CNBD2: variants seen among roughly 807,000 people sequenced by gnomAD.
CNBD2 encodes the protein cyclic nucleotide binding domain containing 2, also known as cyclic nucleotide-binding domain-containing protein 2.
A neutral mutation model predicts 63.7 loss-of-function variants in CNBD2; 64 were observed. That is an observed-to-expected ratio of 1.00 (90% CI 0.82 to 1.24). The LOEUF (loss-of-function observed/expected upper bound fraction) is 1.24, where lower values mean the gene tolerates loss of function less well. Among genes scored for constraint, CNBD2 ranks in the 50% most tolerant of loss-of-function variants. CNBD2 has a pLI of 0.00. For missense variants in CNBD2, 691 were observed against 713.5 expected (o/e 0.97, Z 0.36); for synonymous variants, 229 against 255.4 (o/e 0.90, Z 0.99).
intron 10 of CNBD2, among the ~76,000 whole-genome samples, chr20:36,012,072 G>A (rs981139886): frequency 7.2e-5 from 11 of 152,010 alleles, no homozygotes; most frequent in African/African-American, 2.7e-4. Flanking sequence ...CCTGAGGCAG[G>A]TTGGATCACT....
intron 9 of CNBD2, among the ~76,000 whole-genome samples, chr20:36,009,127 G>T (rs570984532): frequency 6.6e-6 from 1 of 152,098 alleles, no homozygotes; most frequent in South Asian, 2.1e-4. Flanking sequence ...AGCCTAGGAA[G>T]TTGAGGCTGC....
chr20:35,957,706 T>G (rs2056270727), downstream of CNBD2: 1 of 152,238 alleles, frequency 6.6e-6, no homozygotes, highest in African/African-American at 2.4e-5. Flanking sequence ...TATTTCATTC[T>G]TTTGAATTTT....
chr20:36,006,055 G>A (rs1187280977), intron 8 of CNBD2, among the ~76,000 whole-genome samples: 1 of 149,424 alleles, frequency 6.7e-6, no homozygotes, highest in Non-Finnish European at 1.5e-5. Flanking sequence ...TTGAGATAGA[G>A]TCTTGCCCTG....
chr20:36,011,194 C>T lies in CNBD2; in HGVS notation c.1206C>T (p.Leu402=), dbSNP rs767581528. 1.3e-6 allele frequency: 2 copies of T among 1,599,054 alleles called. No individual in the cohort carries two copies. Among genetic ancestry groups the T allele is most frequent in the Middle Eastern group, 1.7e-4 (1 of 5,978 alleles). The change falls in exon 10 of 12, where the codon CTC becomes CTT. Residue 402 remains leucine (L), a synonymous_variant. Coordinates refer to ENST00000373973, the MANE Select transcript of CNBD2 (RefSeq NM_001365709.1). ...CAMINIKPGE[L]PKEAAVGAYV... Reference sequence around the variant, plus strand: ...TGATCAATATCAAGCCTGGTGAGCTCCCCAAGGAGGCTGCAGTGGGGGCCT... The same window carrying T: ...TGATCAATATCAAGCCTGGTGAGCTTCCCAAGGAGGCTGCAGTGGGGGCCT...
chr20:35,987,348 CA>C (rs756284587), intron 6 of CNBD2, 46 bp from the exon 7 acceptor site: 1 of 1,609,720 alleles, frequency 6.2e-7, no homozygotes, highest in African/African-American at 1.3e-5. Flanking sequence ...AAGGTCTGGG[CA>C]CCTTGTGTGA....
chr20:35,979,569 A>G (rs1228209284), intron 3 of CNBD2, among the ~76,000 whole-genome samples: 2 of 152,210 alleles, frequency 1.3e-5, no homozygotes, highest in Non-Finnish European at 2.9e-5. Flanking sequence ...CCACTTCTTA[A>G]TAGTGTCAGA....
At chr20:35,995,373 C>T (rs575858655) in intron 8 of CNBD2, among the ~76,000 whole-genome samples, 1 of 152,062 alleles carries the variant, frequency 6.6e-6, no homozygotes, top group African/African-American at 2.4e-5. Context: ...GGTTCTCCCA[C>T]GTGACCATCA....
chr20:35,958,848 A>G (rs2056282999), downstream of CNBD2: 1 of 152,228 alleles, frequency 6.6e-6, no homozygotes, highest in Admixed American at 6.5e-5. Context: ...TGTTATTTAA[A>G]AAATGTTACA....
At chr20:36,001,402 G>A (rs2056899496) in intron 8 of CNBD2, among the ~76,000 whole-genome samples, 1 of 150,880 alleles carries the variant, frequency 6.6e-6, no homozygotes, top group Admixed American at 6.6e-5. Flanking sequence ...CAGGGCGGCT[G>A]GCCGGGCAGA....
intron 8 of CNBD2, among the ~76,000 whole-genome samples, chr20:36,000,104 C>T (rs2147288628): frequency 6.6e-6 from 1 of 152,320 alleles, no homozygotes; most frequent in Non-Finnish European, 1.5e-5. Flanking sequence ...CTAATAACCA[C>T]TTCCTTCTGC....
intron 4 of CNBD2, among the ~76,000 whole-genome samples, chr20:35,980,982 C>T (rs1040178956): frequency 2.0e-5 from 3 of 152,246 alleles, no homozygotes; most frequent in East Asian, 1.9e-4. Context: ...TTTTCAGTTA[C>T]GCCCATCAGA....
chr20:35,977,138 C>T (rs1277074004), intron 3 of CNBD2, among the ~76,000 whole-genome samples: 1 of 152,182 alleles, frequency 6.6e-6, no homozygotes, highest in Non-Finnish European at 1.5e-5. Context: ...ATCTGAGAGC[C>T]ACAGAACTCT....
rs766039744 is a variant in CNBD2 at position 36,030,360 on chromosome 20, T to C, written c.1443T>C (p.Asp481=). The C allele has an allele frequency of 4.2e-5, 67 of 1,613,958 alleles. No individual in the cohort carries two copies. Among genetic ancestry groups the C allele is most frequent in the Non-Finnish European group, 5.6e-5 (66 of 1,179,978 alleles). ...LLKLNIAFPS[D]EDMCQKFLQQ... is the part of the protein sequence containing the mutation. ...GGCTTCTGTGCCTGCCCTTTAGTGA[T>C]GAAGATATGTGCCAGAAGTTCCTCC... Residue 481 remains aspartate (D), a synonymous_variant, in exon 12 of 12, where the codon GAT becomes GAC. Transcript: ENST00000373973.
At chr20:36,004,869 G>A (rs2056964019) in intron 8 of CNBD2, among the ~76,000 whole-genome samples, 1 of 152,034 alleles carries the variant, frequency 6.6e-6, no homozygotes, top group South Asian at 2.1e-4. Context: ...ATCCTTCAAT[G>A]TCTTTAAAAC....
chr20:35,976,227 T>G (rs955809676), intron 3 of CNBD2, among the ~76,000 whole-genome samples: 1 of 152,208 alleles, frequency 6.6e-6, no homozygotes, highest in African/African-American at 2.4e-5. Context: ...AGGAACCAGC[T>G]GTCACTGCAC....
chr20:36,003,899 G>T (rs983900015), intron 8 of CNBD2, among the ~76,000 whole-genome samples: 1 of 151,878 alleles, frequency 6.6e-6, no homozygotes, highest in African/African-American at 2.4e-5. Context: ...ATCTCTTGAG[G>T]TTGCCATTGT....
At chr20:36,001,805 C>T (rs1347471302) in intron 8 of CNBD2, among the ~76,000 whole-genome samples, 242 of 134,562 alleles carry the variant, frequency 1.8e-3, no homozygotes, top group East Asian at 3.0e-3. Context: ...GATGGGCGGC[C>T]GGGCAGAGAC....
At position 35,971,340 on chromosome 20, in the gene CNBD2, C is replaced by A. The variant is rs923490391; in HGVS notation, c.52-1289C>A. 2.6e-5 allele frequency among the ~76,000 whole-genome samples: 4 copies of A among 152,274 alleles called. No homozygotes were observed. The South Asian group carries it at 8.3e-4, about 32-fold the overall frequency. ...CTTTCTTAAAAATAATGACATTACC[C>A]ACATAACCAAATACCACTATCATAC... On this transcript the variant is annotated intron_variant, in intron 1 of 11. Transcript: ENST00000373973.
Position 36,030,456 on chromosome 20 carries a change from G to A in CNBD2, c.1539G>A (p.Leu513=), listed in dbSNP as rs1170859059. The A allele has an allele frequency of 6.2e-7, 1 of 1,614,114 alleles. No individual in the cohort carries two copies. The highest frequency in any genetic ancestry group is 8.5e-7 in the Non-Finnish European group (1 of 1,180,026). The change falls in exon 12 of 12, where the codon CTG becomes CTA. Residue 513 remains leucine, a synonymous_variant. Coordinates refer to ENST00000373973, the MANE Select transcript of CNBD2 (RefSeq NM_001365709.1). The stretch of plus-strand genomic sequence containing the variant: ...TCGTGGAGCCTTGCCAAAGTCAACT[G>A]TTCACTCCAAACCGGCCCAAGAAGA... ...QLLVEPCQSQ[L]FTPNRPKKRE...
Sources: gnomAD v4.1 joint callset for allele counts (sites outside exome capture counted in the v4.1 genomes callset) on GRCh38, gnomAD v4.1.1 for gene constraint, MANE v1.5 for transcripts, NCBI Gene and HGNC (gene_info 2026-07-23, HGNC 2026-07-21) for gene names.